EPHX2: variants seen among roughly 807,000 people sequenced by gnomAD.
EPHX2 encodes bifunctional epoxide hydrolase 2.
In EPHX2, 74 loss-of-function variants were observed where a neutral mutation model predicts 78.7. That is an observed-to-expected ratio of 0.94 (90% CI 0.78 to 1.14). EPHX2 has a LOEUF of 1.14. Among genes scored for constraint, EPHX2 ranks in the 50% most tolerant of loss-of-function variants. The pLI, the probability that EPHX2 is intolerant of heterozygous loss-of-function variation, is 0.00. For synonymous variants in EPHX2, 251 were observed against 255.2 expected (o/e 0.98, Z 0.16); for missense variants, 715 against 702.5 (o/e 1.02, Z -0.20).
At chr8:27,506,794 C>A in intron 4 of EPHX2, 78 bp from the exon 5 acceptor site, 12 of 1,542,174 alleles carry the variant, frequency 7.8e-6, no homozygotes, top group Non-Finnish European at 1.1e-5. Flanking sequence ...AGTTTTTAAT[C>A]TCCTCATCAT....
At position 27,541,503 on chromosome 8, in the gene EPHX2, A is replaced by G; in HGVS notation, c.1410A>G (p.Glu470=). ...CTCTAAACTGGTACCGAAACATGGA[A>G]AGGAACTGGAAGTGGGCTTGCAAAA... The part of the protein sequence containing the change: ...RGPLNWYRNM[E]RNWKWACKSL... Residue 470 remains glutamate, a synonymous_variant, in exon 16 of 19, where the codon GAA becomes GAG. Coordinates refer to ENST00000521400, the MANE Select transcript of EPHX2 (RefSeq NM_001979.6). 1.2e-6 allele frequency: 2 copies of G among 1,614,210 alleles called. No individual in the cohort carries two copies. Among genetic ancestry groups the G allele is most frequent in the Non-Finnish European group, 1.7e-6 (2 of 1,180,028 alleles).
At chr8:27,539,622 A>C (rs920941330) in intron 14 of EPHX2, among the ~76,000 whole-genome samples, 1 of 152,164 alleles carries the variant, frequency 6.6e-6, no homozygotes, top group Admixed American at 6.5e-5. Context: ...TGCTGTGAGC[A>C]CAGGCTGGGT....
chr8:27,498,568 G>T (rs1413371412), intron 1 of EPHX2, among the ~76,000 whole-genome samples: 2 of 152,122 alleles, frequency 1.3e-5, no homozygotes, highest in Non-Finnish European at 2.9e-5. Flanking sequence ...CTCACCTAGT[G>T]TCTTGTAGTT....
chr8:27,525,401 TC>T lies in EPHX2; in HGVS notation c.1101del (p.Asn368ThrfsTer34). On this transcript the variant is annotated frameshift_variant, in exon 12 of 19. Transcript: ENST00000521400. LOFTEE classifies it high-confidence loss of function. ...TGAATACTCCCTTCATACCAGCAAA[TC>T]CCAACATGTCCCCTTTGGAGAGTAT... is the stretch of plus-strand genomic sequence containing the variant. ...SLNTPFIPAN[P>X]NMSPLESIKA... 6.2e-7 allele frequency: 1 copy of T among 1,614,072 alleles called. No homozygotes were observed. Among genetic ancestry groups the T allele is most frequent in the Non-Finnish European group, 8.5e-7 (1 of 1,180,034 alleles).
At chr8:27,539,130 C>G (rs546288289) in intron 14 of EPHX2, 1 of 167,722 alleles carries the variant, frequency 6.0e-6, no homozygotes, top group South Asian at 1.6e-4. Flanking sequence ...TGGAGCTCAT[C>G]CTTGTCTCCC....
intron 15 of EPHX2, 51 bp downstream of exon 15, chr8:27,540,707 G>A (rs1815371127): frequency 2.6e-6 from 4 of 1,561,928 alleles, no homozygotes; most frequent in Non-Finnish European, 3.5e-6. Context: ...CGACAGATAG[G>A]GATCTTCAGC....
intron 11 of EPHX2, among the ~76,000 whole-genome samples, chr8:27,524,808 C>T (rs1814767053): frequency 6.6e-6 from 1 of 152,098 alleles, no homozygotes; most frequent in African/African-American, 2.4e-5. Flanking sequence ...TATTCTATGG[C>T]TCATATCATA....
At chr8:27,539,146 G>C (rs140891803) in intron 14 of EPHX2, 1 of 164,152 alleles carries the variant, frequency 6.1e-6, no homozygotes, top group African/African-American at 2.4e-5. Flanking sequence ...CTCCCTCCTG[G>C]GTTGGGTATG....
Position 27,500,831 on chromosome 8 carries a change from G to A in EPHX2, c.102-95G>A. 2.6e-6 allele frequency: 3 copies of A among 1,145,756 alleles called. No homozygotes were observed. The South Asian group carries it at 4.3e-5, about 16-fold the overall frequency. The allele number at this position is 1,145,756 out of a possible 1,614,324, so 71.0% of individuals were successfully genotyped here. A position where few individuals can be genotyped will look rare whatever the true frequency, so the allele number is the denominator to read the frequency against. ...CAGTTCCTGGCAGTATCCCTTTCTA[G>A]TGGCTGCTTCTCAATGAATATGAAC... is the stretch of plus-strand genomic sequence containing the variant. On this transcript the variant is annotated intron_variant, in intron 1 of 18. Coordinates refer to ENST00000521400, the MANE Select transcript of EPHX2 (RefSeq NM_001979.6).
intron 5 of EPHX2, among the ~76,000 whole-genome samples, chr8:27,511,252 C>T (rs1320839087): frequency 1.3e-5 from 2 of 152,246 alleles, no homozygotes; most frequent in East Asian, 3.8e-4. Flanking sequence ...GACCTTTCAG[C>T]AGAGCTGTGC....
Position 27,543,398 on chromosome 8 carries a change from C to G in EPHX2, c.1450-351C>G, listed in dbSNP as rs184319964. ...GTGGCTGCCCCCATTTTCTCTGGAA[C>G]CTTGGTCGCCCCTTTTAAGCATCTA... On this transcript the variant is annotated intron_variant, in intron 16 of 18. Transcript: ENST00000521400. 2.2e-3 allele frequency among the ~76,000 whole-genome samples: 331 copies of G among 152,224 alleles called. 2 individuals carry two copies. Among genetic ancestry groups the G allele is most frequent in the Non-Finnish European group, 3.3e-3 (226 of 68,016 alleles).
Position 27,503,481 on chromosome 8 carries a change from G to C in EPHX2, c.187-123G>C, listed in dbSNP as rs181928075. Reference sequence around the variant, plus strand: ...TGGAGAACATATGTTGGCATTTCCAGTGGGTATGTGTCCAGGAGTGGAATT... The same window carrying C: ...TGGAGAACATATGTTGGCATTTCCACTGGGTATGTGTCCAGGAGTGGAATT... On this transcript the variant is annotated intron_variant, in intron 2 of 18. Transcript: ENST00000521400. The C allele has an allele frequency of 1.4e-5, 16 of 1,104,018 alleles. No individual in the cohort carries two copies. The Admixed American group carries it at 4.0e-4, about 28-fold the overall frequency. The allele number at this position is 1,104,018 out of a possible 1,614,324, so 68.4% of individuals were successfully genotyped here.
At chr8:27,493,037 A>G (rs1019642290) in intron 1 of EPHX2, 33 of 161,240 alleles carry the variant, frequency 2.0e-4, no homozygotes, top group Non-Finnish European at 3.7e-4. Context: ...GGGTCAGTCT[A>G]GCAGTCCTCG....
At chr8:27,543,965 CA>C (rs1249197500) in intron 17 of EPHX2, 136 bp downstream of exon 17, 5 of 1,001,396 alleles carry the variant, frequency 5.0e-6, no homozygotes, top group African/African-American at 4.8e-5. Context: ...TCAGTAACAT[CA>C]CTGTCCCCCC....
At chr8:27,528,315 G>T (rs1814917211) in intron 12 of EPHX2, among the ~76,000 whole-genome samples, 2 of 152,132 alleles carry the variant, frequency 1.3e-5, no homozygotes, top group African/African-American at 4.8e-5. Flanking sequence ...TCAAATTAGT[G>T]ATCTGGCCAC....
At chr8:27,534,595 G>T (rs1234397053) in intron 12 of EPHX2, among the ~76,000 whole-genome samples, 1 of 152,180 alleles carries the variant, frequency 6.6e-6, no homozygotes, top group African/African-American at 2.4e-5. Context: ...AGTGAGCTGA[G>T]ATTGCGCTAC....
chr8:27,512,214 C>T (rs987656806), intron 6 of EPHX2: 10 of 343,478 alleles, frequency 2.9e-5, no homozygotes, highest in African/African-American at 2.1e-4. Context: ...CCTCAGAAAT[C>T]AGTGAAAGAC....
intron 14 of EPHX2, 60 bp from the exon 15 acceptor site, chr8:27,540,494 C>T (rs2132800585): frequency 6.7e-7 from 1 of 1,497,362 alleles, no homozygotes; most frequent in South Asian, 1.1e-5. Context: ...GAGGTCCCCA[C>T]CTTAAAATGC....
chr8:27,522,987 A>G (rs943721296), intron 11 of EPHX2, among the ~76,000 whole-genome samples: 3 of 139,424 alleles, frequency 2.2e-5, no homozygotes, highest in Non-Finnish European at 4.6e-5. Flanking sequence ...AAAAAAAAAA[A>G]GGGCCTAATG....
Sources: gnomAD v4.1 joint callset for allele counts (sites outside exome capture counted in the v4.1 genomes callset) on GRCh38, gnomAD v4.1.1 for gene constraint, MANE v1.5 for transcripts, NCBI Gene and HGNC (gene_info 2026-07-23, HGNC 2026-07-21) for gene names.